Variants in ZNF425 observed in about 807,000 individuals in gnomAD.
ZNF425 encodes the protein zinc finger protein 425.
In ZNF425, 21 loss-of-function variants were observed where a neutral mutation model predicts 17.0. The ratio of observed to expected loss-of-function variants is 1.23; its 90% CI spans 0.88 to 1.78. The LOEUF (loss-of-function observed/expected upper bound fraction) is 1.78, where lower values mean the gene tolerates loss of function less well. Ranked by LOEUF, ZNF425 falls within the 40% of genes most tolerant of loss-of-function variation. The probability of loss-of-function intolerance (pLI) is 0.00; values close to 1 mark genes in which losing one functional copy is unlikely to be tolerated. For synonymous variants in ZNF425, 433 were observed against 384.1 expected (o/e 1.13, Z -1.49); for missense variants, 868 against 967.3 (o/e 0.90, Z 1.36).
chr7:149,105,362 A>G lies in ZNF425; in HGVS notation c.509T>C (p.Leu170Pro), dbSNP rs771994854. Reference protein sequence around the residue: ...ITAYDPDKKDLRHKPRETPGR... With the variant: ...ITAYDPDKKDPRHKPRETPGR... Reference sequence around the variant, plus strand: ...TGGGGTCTCCCGAGGCTTATGCCGCAGGTCTTTCTTGTCTGGATCATATGC... The same window carrying G: ...TGGGGTCTCCCGAGGCTTATGCCGCGGGTCTTTCTTGTCTGGATCATATGC... Residue 170 changes from leucine (L) to proline (P), a missense_variant, in exon 4 of 4, where the codon CTG (leucine) becomes CCG (proline). Leu to Pro is a moderately conservative substitution (Grantham distance 98). Coordinates refer to ENST00000378061, the MANE Select transcript of ZNF425 (RefSeq NM_001001661.3). 18 of 1,612,984 alleles carry G rather than the reference A, an allele frequency of 1.1e-5. No homozygotes were observed. Among genetic ancestry groups the G allele is most frequent in the African/African-American group, 2.7e-5 (2 of 74,786 alleles).
intron 3 of ZNF425, among the ~76,000 whole-genome samples, chr7:149,108,674 A>G (rs927808266): frequency 6.6e-6 from 1 of 152,116 alleles, no homozygotes; most frequent in African/African-American, 2.4e-5. Flanking sequence ...TGGGTGGATC[A>G]CGAGGTCAGG....
chr7:149,111,341 C>G (rs1284453193), intron 3 of ZNF425, among the ~76,000 whole-genome samples: 1 of 150,758 alleles, frequency 6.6e-6, no homozygotes, highest in East Asian at 2.0e-4. Context: ...CCTGTAATCC[C>G]AGCACTTTGG....
chr7:149,117,259 AAAAG>A (rs1231133885), intron 2 of ZNF425, among the ~76,000 whole-genome samples: 2 of 151,898 alleles, frequency 1.3e-5, no homozygotes, highest in African/African-American at 4.8e-5. Flanking sequence ...TCAAAAAAAA[AAAAG>A]AAATGGTTTT....
Position 149,118,255 on chromosome 7 carries a change from T to C in ZNF425, c.112A>G (p.Met38Val). The change falls in exon 2 of 4, where the codon ATG (methionine) becomes GTG (valine). Residue 38 changes from methionine (M) to valine (V), a missense_variant. Physicochemically the swap from Met to Val is conservative, Grantham distance 21 (BLOSUM62 1). Transcript: ENST00000378061. Reference sequence around the variant, plus strand: ...TCAAGGGTCTCGTAATTGGTCTTCATCTCTTGCTTATACATTTGCTTCTGC... The same window carrying C: ...TCAAGGGTCTCGTAATTGGTCTTCACCTCTTGCTTATACATTTGCTTCTGC... Reference protein sequence around the residue: ...KWQKQMYKQEMKTNYETLDSL... With the variant: ...KWQKQMYKQEVKTNYETLDSL... The C allele has an allele frequency of 6.2e-7, 1 of 1,614,092 alleles. No homozygotes were observed. Among genetic ancestry groups the C allele is most frequent in the Non-Finnish European group, 8.5e-7 (1 of 1,180,010 alleles).
intron 3 of ZNF425, among the ~76,000 whole-genome samples, chr7:149,106,932 C>T (rs1826090879): frequency 6.6e-6 from 1 of 151,922 alleles, no homozygotes; most frequent in Non-Finnish European, 1.5e-5. Flanking sequence ...TATGGTGAAA[C>T]CCTGTCTCTA....
intron 1 of ZNF425, among the ~76,000 whole-genome samples, chr7:149,122,342 C>T (rs1411639577): frequency 6.6e-6 from 1 of 151,704 alleles, no homozygotes; most frequent in Non-Finnish European, 1.5e-5. Flanking sequence ...ATCTGAAACT[C>T]CAGGGCTCAA....
At position 149,126,247 on chromosome 7, in the gene ZNF425, G is replaced by C; in HGVS notation, c.-34C>G. The C allele has an allele frequency of 1.9e-6, 3 of 1,607,322 alleles. No individual in the cohort carries two copies. The highest frequency in any genetic ancestry group is 2.5e-6 in the Non-Finnish European group (3 of 1,177,448). On this transcript the variant is annotated 5_prime_UTR_variant, in exon 1 of 4. Coordinates refer to ENST00000378061, the MANE Select transcript of ZNF425 (RefSeq NM_001001661.3). ...CGCACGAACCGGCCCTGCCTGGCAC[G>C]GCCTCCCCTCCGCTCCGCCCCAACC...
Position 149,103,496 on chromosome 7 carries a change from G to T in ZNF425, c.*116C>A. The stretch of plus-strand genomic sequence containing the variant: ...GCCTCCCAAAGTAATGGGATTACAG[G>T]CGGGAGCCACTGTGCCCGATCTTAC... On this transcript the variant is annotated 3_prime_UTR_variant, in exon 4 of 4. Coordinates refer to ENST00000378061, the MANE Select transcript of ZNF425 (RefSeq NM_001001661.3). 7.5e-7 allele frequency: 1 copy of T among 1,328,590 alleles called. No individual in the cohort carries two copies. Among genetic ancestry groups the T allele is most frequent in the Non-Finnish European group, 1.0e-6 (1 of 997,156 alleles). 82.3% of individuals were successfully genotyped at this position (1,328,590 alleles called of 1,614,324 possible).
intron 1 of ZNF425, among the ~76,000 whole-genome samples, chr7:149,120,358 G>T (rs1035382849): frequency 5.3e-5 from 8 of 152,136 alleles, no homozygotes; most frequent in African/African-American, 1.9e-4. Context: ...CTCCAGCCTG[G>T]GCGACAGAAT....
intron 3 of ZNF425, among the ~76,000 whole-genome samples, chr7:149,109,539 C>T (rs1180820906): frequency 1.3e-5 from 2 of 152,110 alleles, no homozygotes; most frequent in African/African-American, 4.8e-5. Flanking sequence ...GCTCTCTCTC[C>T]TCCGCTCCTT....
At chr7:149,109,096 T>TG (rs1214447107) in intron 3 of ZNF425, among the ~76,000 whole-genome samples, 2 of 150,876 alleles carry the variant, frequency 1.3e-5, no homozygotes, top group African/African-American at 4.9e-5. Flanking sequence ...TTTTTTTTTT[T>TG]GAAACGGAGT....
intron 1 of ZNF425, among the ~76,000 whole-genome samples, chr7:149,121,079 C>CTTTTTTTTT (rs75534831): frequency 4.8e-5 from 3 of 62,756 alleles, no homozygotes; most frequent in Admixed American, 1.9e-4. Context: ...TTTTACATTC[C>CTTTTTTTTT]TTTTTTTTTT....
intron 3 of ZNF425, among the ~76,000 whole-genome samples, chr7:149,107,257 C>A (rs986646213): frequency 2.6e-5 from 4 of 151,886 alleles, no homozygotes; most frequent in Non-Finnish European, 5.9e-5. Context: ...ACTGAATTCA[C>A]AAATAACACT....
intron 3 of ZNF425, among the ~76,000 whole-genome samples, chr7:149,108,026 A>G (rs754685251): frequency 3.3e-5 from 5 of 151,798 alleles, no homozygotes; most frequent in Non-Finnish European, 5.9e-5. Flanking sequence ...ACACACCATC[A>G]TGCTCAGCTA....
In ZNF425 at chr7:149,104,292, A is replaced by C. The variant is rs1027730905; in HGVS notation, c.1579T>G (p.Ser527Ala). The C allele has an allele frequency of 1.9e-5, 31 of 1,613,244 alleles. No homozygotes were observed. The highest frequency in any genetic ancestry group is 2.5e-5 in the Non-Finnish European group (30 of 1,179,934). The change falls in exon 4 of 4, where the codon TCC (serine) becomes GCC (alanine). Residue 527 changes from serine (S) to alanine (A), a missense_variant. Transcript: ENST00000378061. This position sits in a 1 kb window ranked among gnomAD's most constrained non-coding sequence, Gnocchi z 4.3. ...AAACTGCGGCCGCACTCGGCGCAGG[A>C]GAACGGCTTTTCCGTGGTGTGGACC... The part of the protein sequence containing the change: ...LKVHTTEKPF[S>A]CAECGRSFRR...
At position 149,103,784 on chromosome 7, in the gene ZNF425, C is replaced by G; in HGVS notation, c.2087G>C (p.Cys696Ser). Residue 696 changes from cysteine to serine, a missense_variant, in exon 4 of 4, where the codon TGT becomes TCT. Cys to Ser is a moderately radical substitution (Grantham distance 112, BLOSUM62 -1). This residue lies in a region of ZNF425 where 437 missense variants were observed against 444.2 expected (regional missense o/e 0.98). Transcript: ENST00000378061. ...GAGGAAGCCTTTGCCACACTCGGGA[C>G]ACTGGAAGGGCCTCTCTCCACTGTG... ...YKHSGERPFQ[C>S]PECGKGFLQK... The G allele has an allele frequency of 6.2e-7, 1 of 1,614,186 alleles. No homozygotes were observed. The highest frequency in any genetic ancestry group is 2.2e-5 in the East Asian group (1 of 44,884).
At position 149,108,957 on chromosome 7, in the gene ZNF425, G is replaced by A. The variant is rs560869655; in HGVS notation, c.304+3180C>T. 7.9e-5 allele frequency among the ~76,000 whole-genome samples: 12 copies of A among 152,102 alleles called. No homozygotes were observed. The South Asian group carries it at 1.0e-3, about 13-fold the overall frequency. ...AGGATGAAGTCAAACTTTCCACCTT[G>A]GCAATCCTGGCCTCACGTCGTCTAA... On this transcript the variant is annotated intron_variant, in intron 3 of 3. Transcript: ENST00000378061.
At chr7:149,111,627 T>C (rs997011104) in intron 3 of ZNF425, among the ~76,000 whole-genome samples, 1 of 130,876 alleles carries the variant, frequency 7.6e-6, no homozygotes, top group East Asian at 2.1e-4. Context: ...AAAAATTATA[T>C]ATCTATATAA....
At chr7:149,107,651 T>C (rs1826103874) in intron 3 of ZNF425, among the ~76,000 whole-genome samples, 1 of 151,812 alleles carries the variant, frequency 6.6e-6, no homozygotes. Flanking sequence ...ATGATATATT[T>C]ATATAGCATA....
Sources: gnomAD v4.1 joint callset for allele counts (sites outside exome capture counted in the v4.1 genomes callset) on GRCh38, gnomAD v4.1.1 for gene constraint, gnomAD v4.1.1 regional missense constraint, Gnocchi (gnomAD v3.1) non-coding constraint, MANE v1.5 for transcripts, NCBI Gene and HGNC (gene_info 2026-07-23, HGNC 2026-07-21) for gene names.